Variants in TRMT10B observed in about 807,000 individuals in gnomAD.
The protein encoded by TRMT10B is tRNA methyltransferase 10B.
Under a neutral mutation model 43.8 loss-of-function variants are expected in TRMT10B, and 33 were observed. That is an observed-to-expected ratio of 0.75 (90% CI 0.57 to 1.01). The LOEUF (loss-of-function observed/expected upper bound fraction) is 1.01. Ranked by LOEUF, TRMT10B falls within the 50% of genes least tolerant of loss-of-function variation. The probability of loss-of-function intolerance (pLI) is 0.00; values close to 1 mark genes in which losing one functional copy is unlikely to be tolerated. For missense variants in TRMT10B, 362 were observed against 369.8 expected (o/e 0.98, Z 0.17); for synonymous variants, 137 against 130.6 (o/e 1.05, Z -0.34).
rs113883176 is a variant in TRMT10B at position 37,769,745 on chromosome 9, C to A, written c.574-196C>A. ...TAAGTATTATAGCTGGGACTACAGG[C>A]ACATGCCACCATGCCTGGCTAATTT... On this transcript the variant is annotated intron_variant, in intron 5 of 8. Coordinates refer to ENST00000297994, the MANE Select transcript of TRMT10B (RefSeq NM_144964.4). 5.9e-5 allele frequency: 35 copies of A among 589,388 alleles called. No individual in the cohort carries two copies. In the South Asian group the frequency reaches 6.5e-4, roughly 11 times the overall value. 36.5% of individuals were successfully genotyped at this position (589,388 alleles called of 1,614,324 possible).
intron 4 of TRMT10B, 59 bp downstream of exon 4, chr9:37,763,812 C>T (rs767946807): frequency 1.2e-6 from 2 of 1,611,332 alleles, no homozygotes; most frequent in Non-Finnish European, 1.7e-6. Flanking sequence ...CAGAAGGGTA[C>T]AGCTTTCCGA....
chr9:37,755,481 C>T (rs866883547), intron 1 of TRMT10B, among the ~76,000 whole-genome samples: 2 of 152,196 alleles, frequency 1.3e-5, no homozygotes, highest in African/African-American at 2.4e-5. Context: ...GAGCAGATCT[C>T]TGCTTCTGTG....
At chr9:37,760,262 C>A (rs1345983009) in intron 1 of TRMT10B, among the ~76,000 whole-genome samples, 2 of 152,222 alleles carry the variant, frequency 1.3e-5, no homozygotes, top group African/African-American at 4.8e-5. Context: ...GCAGAGGTTG[C>A]AGTGAGCTGA....
intron 1 of TRMT10B, among the ~76,000 whole-genome samples, chr9:37,755,673 AGTT>A (rs1279904024): frequency 6.6e-6 from 1 of 152,124 alleles, no homozygotes; most frequent in African/African-American, 2.4e-5. Context: ...TGGTGGTTGG[AGTT>A]GTTTTTATTT....
At chr9:37,773,003 G>C (rs1308307784) in intron 7 of TRMT10B, among the ~76,000 whole-genome samples, 1 of 152,236 alleles carries the variant, frequency 6.6e-6, no homozygotes, top group African/African-American at 2.4e-5. Flanking sequence ...TTTCTTTGAA[G>C]TGAAAATGGT....
chr9:37,761,223 T>G (rs974488769), intron 1 of TRMT10B, among the ~76,000 whole-genome samples: 4 of 152,222 alleles, frequency 2.6e-5, no homozygotes, highest in South Asian at 2.1e-4. Context: ...AAGGAACAAT[T>G]TTGAAAATAA....
Position 37,777,994 on chromosome 9 carries a change from G to T in TRMT10B, c.*287G>T. ...CACTCCAGCCTGGGTGACAGAGCAA[G>T]ACTCCATCTCAAAAAAAAAATAAAT... On this transcript the variant is annotated 3_prime_UTR_variant, in exon 9 of 9. Transcript: ENST00000297994. The T allele has an allele frequency of 4.2e-6, 1 of 238,132 alleles. No individual in the cohort carries two copies. Among genetic ancestry groups the T allele is most frequent in the Non-Finnish European group, 8.3e-6 (1 of 121,212 alleles). The allele number at this position is 238,132 out of a possible 1,614,324, so 14.8% of individuals were successfully genotyped here.
intron 1 of TRMT10B, 144 bp from the exon 2 acceptor site, chr9:37,761,759 C>A (rs1241947091): frequency 1.7e-6 from 1 of 584,676 alleles, no homozygotes; most frequent in African/African-American, 1.9e-5. Flanking sequence ...CTGGAAGACA[C>A]ATGCTTTTCT....
chr9:37,763,695 A>G lies in TRMT10B; in HGVS notation c.362A>G (p.Lys121Arg). Residue 121 changes from lysine (K) to arginine (R), a missense_variant, in exon 4 of 9, where the codon AAA (lysine) becomes AGA (arginine). Physicochemically the swap from Lys to Arg is conservative, Grantham distance 26 (BLOSUM62 2). Transcript: ENST00000297994. Reference protein sequence around the residue: ...ALTKDKLLEAKHSGPRLCIDL... With the variant: ...ALTKDKLLEARHSGPRLCIDL... ...ACCAAAGACAAACTTTTGGAAGCCA[A>G]ACACTCAGGACCAAGACTATGTATC... 6.2e-7 allele frequency: 1 copy of G among 1,614,176 alleles called. No homozygotes were observed. The highest frequency in any genetic ancestry group is 8.5e-7 in the Non-Finnish European group (1 of 1,180,014).
At position 37,769,731 on chromosome 9, in the gene TRMT10B, G is replaced by A. The variant is rs1395268727; in HGVS notation, c.574-210G>A. The A allele has an allele frequency of 8.6e-5, 47 of 544,322 alleles. No homozygotes were observed. In the Admixed American group the frequency reaches 1.4e-3, roughly 16 times the overall value. 33.7% of individuals were successfully genotyped at this position (544,322 alleles called of 1,614,324 possible). A position where few individuals can be genotyped will look rare whatever the true frequency, so the allele number is the denominator to read the frequency against. The stretch of plus-strand genomic sequence containing the variant: ...TGCCACCTCACTCCTAAGTATTATA[G>A]CTGGGACTACAGGCACATGCCACCA... On this transcript the variant is annotated intron_variant, in intron 5 of 8. Transcript: ENST00000297994.
rs372696421 is a variant in TRMT10B at position 37,761,987 on chromosome 9, G to A, written c.56G>A (p.Gly19Glu). ...AAAGTAGAGTCACCTGTGCTGCAGG[G>A]GCAAGAAGGCATCCTAGAGGAGACA... is the stretch of plus-strand genomic sequence containing the variant. ...TQKVESPVLQ[G>E]QEGILEETGE... Residue 19 changes from glycine (G) to glutamate (E), a missense_variant, in exon 2 of 9, where the codon GGG (glycine) becomes GAG (glutamate). Gly to Glu is a moderately conservative substitution (Grantham distance 98). Coordinates refer to ENST00000297994, the MANE Select transcript of TRMT10B (RefSeq NM_144964.4). 2 of 1,613,906 alleles carry A rather than the reference G, an allele frequency of 1.2e-6. No homozygotes were observed. The highest frequency in any genetic ancestry group is 1.3e-5 in the African/African-American group (1 of 74,918).
At chr9:37,776,848 G>A (rs1349950606) in intron 8 of TRMT10B, among the ~76,000 whole-genome samples, 2 of 150,124 alleles carry the variant, frequency 1.3e-5, no homozygotes, top group East Asian at 2.0e-4. Context: ...GCAGTGAGCC[G>A]AGATCACACC....
chr9:37,768,510 G>T (rs1301800304), intron 5 of TRMT10B, among the ~76,000 whole-genome samples: 1 of 152,120 alleles, frequency 6.6e-6, no homozygotes, highest in African/African-American at 2.4e-5. Context: ...CTCCTTTCTT[G>T]TTCTCATTAA....
At chr9:37,753,127 A>G (rs1318245157), upstream of TRMT10B, among the ~76,000 whole-genome samples, 5 of 151,942 alleles carry the variant, frequency 3.3e-5, no homozygotes, top group African/African-American at 9.7e-5. Context: ...CTCATTGCGA[A>G]GATCTGCAGC....
In TRMT10B at chr9:37,762,106, G is replaced by C; in HGVS notation, c.175G>C (p.Ala59Pro). 2 of 1,613,476 alleles carry C rather than the reference G, an allele frequency of 1.2e-6. No homozygotes were observed. The highest frequency in any genetic ancestry group is 1.7e-6 in the Non-Finnish European group (2 of 1,179,590). The part of the protein sequence containing the change: ...EGEILATGST[A>P]WCSKNVQRKQ... ...AGAGATCCTGGCCACAGGCAGTACGGCATGGTGCTCGGTGAGTGCGTGAAT... is the reference window on the plus strand; with the variant it reads ...AGAGATCCTGGCCACAGGCAGTACGCCATGGTGCTCGGTGAGTGCGTGAAT... The change falls in exon 2 of 9, where the codon GCA becomes CCA. Residue 59 changes from alanine (A) to proline (P), a missense_variant. By Grantham distance (27) the Ala-to-Pro change is conservative. Transcript: ENST00000297994.
intron 7 of TRMT10B, among the ~76,000 whole-genome samples, chr9:37,773,333 C>T (rs939046788): frequency 2.7e-5 from 4 of 150,898 alleles, no homozygotes; most frequent in African/African-American, 9.8e-5. Context: ...GTTGCTCAGG[C>T]TGGTCTTGAA....
At chr9:37,752,901 G>T (rs371776038), upstream of TRMT10B, among the ~76,000 whole-genome samples, 73 of 152,240 alleles carry the variant, frequency 4.8e-4, no homozygotes, top group African/African-American at 1.6e-3. Context: ...AGCAAGCAGC[G>T]GCAACCCGTT....
intron 1 of TRMT10B, among the ~76,000 whole-genome samples, chr9:37,755,830 A>T (rs1825607548): frequency 6.6e-6 from 1 of 152,230 alleles, no homozygotes; most frequent in Non-Finnish European, 1.5e-5. Flanking sequence ...GTTCAATTAA[A>T]CAAAAAATAA....
chr9:37,754,730 T>C (rs1825428792), intron 1 of TRMT10B, among the ~76,000 whole-genome samples: 1 of 152,228 alleles, frequency 6.6e-6, no homozygotes, highest in South Asian at 2.1e-4. Context: ...TTATGTCAGG[T>C]GCTTAGTAGC....
Sources: allele counts gnomAD v4.1 joint callset (sites outside exome capture counted in the v4.1 genomes callset), GRCh38; gene constraint gnomAD v4.1.1; transcripts MANE v1.5; gene names NCBI Gene and HGNC (gene_info 2026-07-23, HGNC 2026-07-21).